Variants in SLC39A9 observed in about 807,000 individuals in gnomAD.
The protein encoded by SLC39A9 is solute carrier family 39 member 9, also known as zinc transporter ZIP9.
Under a neutral mutation model 28.4 loss-of-function variants are expected in SLC39A9, and 14 were observed. That is an observed-to-expected ratio of 0.49 (90% CI 0.33 to 0.77). The LOEUF (loss-of-function observed/expected upper bound fraction) is 0.77, where lower values mean the gene tolerates loss of function less well. SLC39A9 is among the 30% of genes least tolerant of loss of function. The pLI is 0.02. For synonymous variants in SLC39A9, 119 were observed against 149.6 expected, an observed-to-expected ratio of 0.80 and a Z score of 1.49; for missense variants, 283 against 381.1, an observed-to-expected ratio of 0.74 and a Z score of 2.14.
intron 2 of SLC39A9, among the ~76,000 whole-genome samples, chr14:69,427,663 A>G (rs1884269488): frequency 6.6e-6 from 1 of 152,216 alleles, no homozygotes; most frequent in Non-Finnish European, 1.5e-5. Context: ...TCAGAATGTC[A>G]TAAATGGAAT....
At chr14:69,412,880 G>A (rs778499864) in intron 1 of SLC39A9, among the ~76,000 whole-genome samples, 1 of 152,108 alleles carries the variant, frequency 6.6e-6, no homozygotes, top group Non-Finnish European at 1.5e-5. Context: ...TTTACCTCAC[G>A]CTGCCTTTCT....
intron 1 of SLC39A9, among the ~76,000 whole-genome samples, chr14:69,405,835 A>G: frequency 6.6e-6 from 1 of 152,312 alleles, no homozygotes; most frequent in Non-Finnish European, 1.5e-5. Context: ...TTATCTGCAT[A>G]ATAATATTAA....
intron 1 of SLC39A9, among the ~76,000 whole-genome samples, chr14:69,405,182 G>A (rs1882849069): frequency 6.6e-6 from 1 of 152,106 alleles, no homozygotes; most frequent in African/African-American, 2.4e-5. Context: ...ATGAGATTTG[G>A]GTGGGGACAC....
chr14:69,452,906 A>G (rs1885681781), intron 3 of SLC39A9, among the ~76,000 whole-genome samples: 1 of 152,182 alleles, frequency 6.6e-6, no homozygotes, highest in East Asian at 1.9e-4. Context: ...GGATTAAGGA[A>G]TAGGAGGAAG....
At chr14:69,435,729 G>A (rs1382118210) in intron 2 of SLC39A9, among the ~76,000 whole-genome samples, 1 of 151,924 alleles carries the variant, frequency 6.6e-6, no homozygotes, top group East Asian at 1.9e-4. Context: ...CTGGAGTGCA[G>A]TGGTGTGATC....
At chr14:69,438,923 G>T (rs1266022622) in intron 2 of SLC39A9, among the ~76,000 whole-genome samples, 1 of 152,062 alleles carries the variant, frequency 6.6e-6, no homozygotes, top group African/African-American at 2.4e-5. Flanking sequence ...AATATAGGGG[G>T]CCCTAGCCAG....
intron 1 of SLC39A9, among the ~76,000 whole-genome samples, chr14:69,422,385 C>A (rs2140272572): frequency 6.6e-6 from 1 of 152,204 alleles, no homozygotes; most frequent in African/African-American, 2.4e-5. Flanking sequence ...CCATGCCTGG[C>A]TTCTTGTAGT....
chr14:69,429,787 T>C (rs1432667151), intron 2 of SLC39A9, among the ~76,000 whole-genome samples: 1 of 152,234 alleles, frequency 6.6e-6, no homozygotes, highest in East Asian at 1.9e-4. Context: ...TGACAAACTC[T>C]TCCTAAAGTG....
chr14:69,407,195 G>C lies in SLC39A9; in HGVS notation c.96+7730G>C, dbSNP rs150155942. Among the ~76,000 whole-genome samples the C allele has an allele frequency of 2.6e-5, 4 of 152,048 alleles. No individual in the cohort carries two copies. The East Asian group carries it at 7.8e-4, about 30-fold the overall frequency. On this transcript the variant is annotated intron_variant, in intron 1 of 6. Transcript: ENST00000336643. ...ATTCATTTTTAAATGAAAAGGTCTT[G>C]AGGGTAACTAATAGATAATTACATC...
intron 2 of SLC39A9, among the ~76,000 whole-genome samples, chr14:69,435,398 C>A (rs547338716): frequency 6.6e-6 from 1 of 152,228 alleles, no homozygotes; most frequent in East Asian, 1.9e-4. Flanking sequence ...ATGGTTATAT[C>A]TTTCCCTTCT....
chr14:69,414,821 A>T (rs908865638), intron 1 of SLC39A9, among the ~76,000 whole-genome samples: 7 of 152,204 alleles, frequency 4.6e-5, no homozygotes, highest in Non-Finnish European at 8.8e-5. Flanking sequence ...TGGTCACCAG[A>T]GGCAGTCACT....
chr14:69,442,381 C>T (rs1885090557), intron 3 of SLC39A9, 115 bp downstream of exon 3: 1 of 988,172 alleles, frequency 1.0e-6, no homozygotes, highest in Admixed American at 2.2e-5. Context: ...AAACTCTTGT[C>T]TTCCTTGGGT....
At chr14:69,441,351 A>G (rs367657959) in intron 2 of SLC39A9, among the ~76,000 whole-genome samples, 2 of 152,196 alleles carry the variant, frequency 1.3e-5, no homozygotes, top group African/African-American at 4.8e-5. Flanking sequence ...GTTATTCTCT[A>G]TTCATGAAAT....
chr14:69,433,094 C>T (rs999333417), intron 2 of SLC39A9, among the ~76,000 whole-genome samples: 3 of 152,082 alleles, frequency 2.0e-5, no homozygotes, highest in South Asian at 2.1e-4. Context: ...TTTGATATAA[C>T]ATTGAATCTG....
chr14:69,402,124 C>T (rs1882666761), intron 1 of SLC39A9, among the ~76,000 whole-genome samples: 1 of 151,924 alleles, frequency 6.6e-6, no homozygotes, highest in Non-Finnish European at 1.5e-5. Context: ...CTTTCGTTTA[C>T]ATCAGGGGTG....
chr14:69,409,313 T>C (rs1227365213), intron 1 of SLC39A9, among the ~76,000 whole-genome samples: 1 of 152,232 alleles, frequency 6.6e-6, no homozygotes, highest in Non-Finnish European at 1.5e-5. Context: ...TTTTCCTTTA[T>C]TCTTAAAAAC....
chr14:69,443,886 T>C (rs1234944037), intron 3 of SLC39A9, among the ~76,000 whole-genome samples: 1 of 148,828 alleles, frequency 6.7e-6, no homozygotes, highest in Non-Finnish European at 1.5e-5. Flanking sequence ...ATAATGATAA[T>C]AAAAATAAAG....
chr14:69,425,809 C>G (rs151043324), intron 2 of SLC39A9, among the ~76,000 whole-genome samples: 4 of 152,112 alleles, frequency 2.6e-5, no homozygotes, highest in African/African-American at 9.6e-5. Context: ...AGTATAGATG[C>G]ACACTGCTAT....
At chr14:69,399,816 C>G (rs1474036845) in intron 1 of SLC39A9, among the ~76,000 whole-genome samples, 1 of 152,042 alleles carries the variant, frequency 6.6e-6, no homozygotes, top group Non-Finnish European at 1.5e-5. Context: ...AGATTGTTAT[C>G]AAGAAAATAA....
Sources: gnomAD v4.1 joint callset for allele counts (sites outside exome capture counted in the v4.1 genomes callset) on GRCh38, gnomAD v4.1.1 for gene constraint, MANE v1.5 for transcripts, NCBI Gene and HGNC (gene_info 2026-07-23, HGNC 2026-07-21) for gene names.